CARMIL2: variants seen among roughly 807,000 people sequenced by gnomAD.
CARMIL2 encodes the protein capping protein regulator and myosin 1 linker 2.
A neutral mutation model predicts 173.3 loss-of-function variants in CARMIL2; 96 were observed. The ratio of observed to expected loss-of-function variants is 0.55; its 90% CI spans 0.47 to 0.66. The LOEUF (loss-of-function observed/expected upper bound fraction) is 0.66. Among genes scored for constraint, CARMIL2 ranks in the 30% least tolerant of loss-of-function variants. The pLI, the probability that CARMIL2 is intolerant of heterozygous loss-of-function variation, is 0.00. For missense variants in CARMIL2, 1,771 were observed against 1,906.7 expected (o/e 0.93, Z 1.33); for synonymous variants, 830 against 817.1 (o/e 1.02, Z -0.27).
At chr16:67,654,928 TGA>T in intron 32 of CARMIL2, 28 bp downstream of exon 32, 1 of 1,612,008 alleles carries the variant, frequency 6.2e-7, no homozygotes. Context: ...GAGCATGAAG[TGA>T]GAGGGCAGAT....
At chr16:67,647,026 T>G in intron 8 of CARMIL2, 53 bp downstream of exon 8, 1 of 1,606,218 alleles carries the variant, frequency 6.2e-7, no homozygotes, top group Non-Finnish European at 8.5e-7. Context: ...CCCATATCCC[T>G]GGGCCTCAGT....
rs1597756768 is a variant in CARMIL2, at chr16:67,653,980, G to C, written c.3121-169G>C. On this transcript the variant is annotated intron_variant, in intron 29 of 37. Transcript: ENST00000334583. This position sits in a 1 kb window ranked among gnomAD's most constrained non-coding sequence, Gnocchi z 7.4. Reference sequence around the variant, plus strand: ...GCGAGTGAGGAGTGCGTGAAATCTGGAGTCTCTGTCCAGCAGCAGGACAGT... The same window carrying C: ...GCGAGTGAGGAGTGCGTGAAATCTGCAGTCTCTGTCCAGCAGCAGGACAGT... Among the ~76,000 whole-genome samples the C allele has an allele frequency of 1.3e-5, 2 of 151,712 alleles. No homozygotes were observed. Among genetic ancestry groups the C allele is most frequent in the South Asian group, 4.2e-4 (2 of 4,808 alleles).
chr16:67,649,780 C>G lies in CARMIL2; in HGVS notation c.1920-26C>G. On this transcript the variant is annotated intron_variant, in intron 20 of 37. Transcript: ENST00000334583. This position sits in a 1 kb window ranked among gnomAD's most constrained non-coding sequence, Gnocchi z 6.7. The stretch of plus-strand genomic sequence containing the variant: ...GGGTGGGGCGTTGGGAAGCTCCGTC[C>G]CCGACTGAAGCCAGGCCCGGCCCAG... The G allele has an allele frequency of 1.2e-6, 2 of 1,602,510 alleles. No homozygotes were observed. The highest frequency in any genetic ancestry group is 1.7e-6 in the Non-Finnish European group (2 of 1,173,580).
chr16:67,652,145 A>T lies in CARMIL2; in HGVS notation c.2677-54A>T. The T allele has an allele frequency of 6.2e-7, 1 of 1,602,818 alleles. No homozygotes were observed. On this transcript the variant is annotated intron_variant, in intron 26 of 37. Transcript: ENST00000334583. This position sits in a 1 kb window ranked among gnomAD's most constrained non-coding sequence, Gnocchi z 4.7. ...TTTCAGGGTCCCCTTAGTTAGCATCAATGGGATCATGGCTGAGGCCCTACC... is the reference window on the plus strand; with the variant it reads ...TTTCAGGGTCCCCTTAGTTAGCATCTATGGGATCATGGCTGAGGCCCTACC...
At position 67,648,458 on chromosome 16, in the gene CARMIL2, G is replaced by T. The variant is rs1597747626; in HGVS notation, c.1395G>T (p.Arg465=). The change falls in exon 15 of 38, where the codon CGG becomes CGT. Residue 465 remains arginine, a synonymous_variant. Transcript: ENST00000334583. This position sits in a 1 kb window ranked among gnomAD's most constrained non-coding sequence, Gnocchi z 6.1. ...TCCTCAGCCGCGCGCGGACGCTGCG[G>T]CACCTGGGCCTGGCGGGCTGCAAGC... The part of the protein sequence containing the change: ...QLFLSRARTL[R]HLGLAGCKLP... 2 of 1,451,528 alleles carry T rather than the reference G, an allele frequency of 1.4e-6. No homozygotes were observed. The highest frequency in any genetic ancestry group is 1.8e-6 in the Non-Finnish European group (2 of 1,111,648). 89.9% of individuals were successfully genotyped at this position (1,451,528 alleles called of 1,614,324 possible). A position where few individuals can be genotyped will look rare whatever the true frequency, so the allele number is the denominator to read the frequency against.
chr16:67,654,465 A>G lies in CARMIL2; in HGVS notation c.3355A>G (p.Thr1119Ala), dbSNP rs751302791. Residue 1119 changes from threonine to alanine, a missense_variant, in exon 31 of 38, where the codon ACC (threonine) becomes GCC (alanine). Physicochemically the swap from Thr to Ala is moderately conservative, Grantham distance 58. Transcript: ENST00000334583. ...STRGPRTDLE[T>A]SPGAAPRTRK... ...GCGGGGTCCACGGACTGATCTAGAGACCAGCCCTGGGGCAGCTCCCCGAAC... is the reference window on the plus strand; with the variant it reads ...GCGGGGTCCACGGACTGATCTAGAGGCCAGCCCTGGGGCAGCTCCCCGAAC... 5.6e-6 allele frequency: 9 copies of G among 1,612,858 alleles called. No individual in the cohort carries two copies. Among genetic ancestry groups the G allele is most frequent in the Non-Finnish European group, 7.6e-6 (9 of 1,179,696 alleles).
Position 67,648,301 on chromosome 16 carries a change from GTCT to G in CARMIL2, c.1325_1327del (p.Phe442del). On this transcript the variant is annotated inframe_deletion, in exon 14 of 38. Transcript: ENST00000334583. The surrounding 1 kb of genome is among the most constrained non-coding windows in gnomAD (Gnocchi z 6.1). The stretch of plus-strand genomic sequence containing the variant: ...TACCCACCTCGACGCTTCGAGGAAC[GTCT>G]TCTCCCGCACGTAAGGGGGACCTGT... 1.6e-5 allele frequency: 26 copies of G among 1,591,186 alleles called. No individual in the cohort carries two copies. Among genetic ancestry groups the G allele is most frequent in the Non-Finnish European group, 2.2e-5 (26 of 1,176,014 alleles).
Position 67,656,650 on chromosome 16 carries a change from G to T in CARMIL2, c.4036+5G>T. ...GCTTGGGCCCCAGAAATGAAGGTAGGCAGGCACCTGATTCCCCACCCCAAT... is the reference window on the plus strand; with the variant it reads ...GCTTGGGCCCCAGAAATGAAGGTAGTCAGGCACCTGATTCCCCACCCCAAT... On this transcript the variant is annotated splice_donor_5th_base_variant and intron_variant, in intron 35 of 37. Coordinates refer to ENST00000334583, the MANE Select transcript of CARMIL2 (RefSeq NM_001013838.3). The T allele has an allele frequency of 6.3e-7, 1 of 1,581,622 alleles. No individual in the cohort carries two copies.
In CARMIL2 at chr16:67,651,710, C is replaced by T. The variant is rs199504224; in HGVS notation, c.2453C>T (p.Thr818Ile). 265 of 1,607,106 alleles carry T rather than the reference C, an allele frequency of 1.6e-4. No individual in the cohort carries two copies. In the East Asian group the frequency reaches 3.8e-3, roughly 23 times the overall value. Residue 818 changes from threonine to isoleucine, a missense_variant, in exon 25 of 38, where the codon ACA becomes ATA. By Grantham distance (89) the Thr-to-Ile change is moderately conservative. Around this residue, in one of 3 missense-constraint regions of CARMIL2, gnomAD observed 817 missense variants for 903.5 expected, o/e 0.90. Coordinates refer to ENST00000334583, the MANE Select transcript of CARMIL2 (RefSeq NM_001013838.3). This position sits in a 1 kb window ranked among gnomAD's most constrained non-coding sequence, Gnocchi z 4.2. Reference protein sequence around the residue: ...IQDFTQATLDTARSLCPQMLQ... With the variant: ...IQDFTQATLDIARSLCPQMLQ... ...GACTTCACTCAGGCCACACTGGACA[C>T]AGCAAGGAGCCTCTGCCCACAGATG...
At chr16:67,655,958 G>A in intron 32 of CARMIL2, 73 bp from the exon 33 acceptor site, 1 of 1,531,924 alleles carries the variant, frequency 6.5e-7, no homozygotes. Flanking sequence ...AGGATTATAA[G>A]AACAAGAACG....
At position 67,652,386 on chromosome 16, in the gene CARMIL2, C is replaced by T. The variant is rs374706148; in HGVS notation, c.2817+47C>T. 1,036 of 1,611,968 alleles carry T rather than the reference C, an allele frequency of 6.4e-4. 2 individuals carry two copies. Among genetic ancestry groups the T allele is most frequent in the Middle Eastern group, 8.3e-4 (5 of 6,060 alleles). ...GGCATGGCACTCCCAGTCTTCCCAT[C>T]TTGCTGTGGAGTGTGGAAGGTGAAA... On this transcript the variant is annotated intron_variant, in intron 27 of 37. Coordinates refer to ENST00000334583, the MANE Select transcript of CARMIL2 (RefSeq NM_001013838.3). The surrounding 1 kb of genome is among the most constrained non-coding windows in gnomAD (Gnocchi z 4.7).
rs2052661324 is a variant in CARMIL2, at chr16:67,649,020, C to A, written c.1591+46C>A. 1 of 1,601,846 alleles carries A rather than the reference C, an allele frequency of 6.2e-7. No individual in the cohort carries two copies. Among genetic ancestry groups the A allele is most frequent in the African/African-American group, 1.3e-5 (1 of 74,652 alleles). Reference sequence around the variant, plus strand: ...ATCCTCGCATCATCCACTCGATTCCCAATCCCCACCCTACCCTTGCAACTT... The same window carrying A: ...ATCCTCGCATCATCCACTCGATTCCAAATCCCCACCCTACCCTTGCAACTT... On this transcript the variant is annotated intron_variant, in intron 17 of 37. Coordinates refer to ENST00000334583, the MANE Select transcript of CARMIL2 (RefSeq NM_001013838.3). The surrounding 1 kb of genome is among the most constrained non-coding windows in gnomAD (Gnocchi z 6.7).
chr16:67,654,872 G>A lies in CARMIL2; in HGVS notation c.3677G>A (p.Ser1226Asn). The change falls in exon 32 of 38, where the codon AGC (serine) becomes AAC (asparagine). Residue 1226 changes from serine (S) to asparagine (N), a missense_variant. Transcript: ENST00000334583. ...MLQRIGVSRG[S>N]GGAEGKRKQS... ...CAGAGGATAGGCGTCAGCCGAGGCA[G>A]CGGGGGTGCCGAAGGCAAGAGGAAG... 4 of 1,613,758 alleles carry A rather than the reference G, an allele frequency of 2.5e-6. No homozygotes were observed. Among genetic ancestry groups the A allele is most frequent in the Non-Finnish European group, 3.4e-6 (4 of 1,179,882 alleles).
At position 67,654,353 on chromosome 16, in the gene CARMIL2, G is replaced by A. The variant is rs1258794184; in HGVS notation, c.3243G>A (p.Pro1081=). The change falls in exon 31 of 38, where the codon CCG becomes CCA. Residue 1081 remains proline (P), a synonymous_variant. Transcript: ENST00000334583. ...ACAGCTGGGCCCCCGAGGAGGACCC[G>A]GCCACTGAGGGGGGCGCCACTCCTG... ...QDRLWAPEED[P]ATEGGATPVP... The A allele has an allele frequency of 3.8e-6, 6 of 1,598,682 alleles. No individual in the cohort carries two copies. Among genetic ancestry groups the A allele is most frequent in the East Asian group, 2.3e-5 (1 of 44,286 alleles).
At position 67,649,637 on chromosome 16, in the gene CARMIL2, G is replaced by T; in HGVS notation, c.1919+18G>T. The T allele has an allele frequency of 6.3e-7, 1 of 1,580,602 alleles. No individual in the cohort carries two copies. The highest frequency in any genetic ancestry group is 8.6e-7 in the Non-Finnish European group (1 of 1,168,352). ...AGGCTCCGGTGGGCGGGGTCAGAGGGGTGGGACCAGCGGGCAGGGGGCGCG... is the reference window on the plus strand; with the variant it reads ...AGGCTCCGGTGGGCGGGGTCAGAGGTGTGGGACCAGCGGGCAGGGGGCGCG... On this transcript the variant is annotated intron_variant, in intron 20 of 37. Coordinates refer to ENST00000334583, the MANE Select transcript of CARMIL2 (RefSeq NM_001013838.3). The surrounding 1 kb of genome is among the most constrained non-coding windows in gnomAD (Gnocchi z 6.7).
exon 38 of CARMIL2, chr16:67,657,560 C>CTCAAAGGAAGCAGAGTGTGGA: frequency 6.2e-7 from 1 of 1,613,990 alleles, no homozygotes; most frequent in Non-Finnish European, 8.5e-7. This position sits in a 1 kb window ranked among gnomAD's most constrained non-coding sequence, Gnocchi z 4.5. Flanking sequence ...TATTAAAAAA[C>CTCAAAGGAAGCAGAGTGTGGA]TCAAAGGAAG....
At chr16:67,650,027 T>C (rs775845728) in intron 21 of CARMIL2, 22 bp from the exon 22 acceptor site, 80 of 1,613,480 alleles carry the variant, frequency 5.0e-5, no homozygotes, top group Non-Finnish European at 6.7e-5. Flanking sequence ...CCTCGGCATT[T>C]CTCAATACCC....
rs148684644 is a variant in CARMIL2 at position 67,647,479 on chromosome 16, G to A, written c.777-29G>A. The stretch of plus-strand genomic sequence containing the variant: ...GGGAGGGGTTGGCAAACCAGGGGCA[G>A]AATCTCATGCCTGGGGTCTGGTCCC... On this transcript the variant is annotated intron_variant, in intron 10 of 37. Coordinates refer to ENST00000334583, the MANE Select transcript of CARMIL2 (RefSeq NM_001013838.3). 1,439 of 1,577,534 alleles carry A rather than the reference G, an allele frequency of 9.1e-4. 12 individuals carry two copies. In the African/African-American group the frequency reaches 0.018, roughly 20 times the overall value.
At position 67,648,927 on chromosome 16, in the gene CARMIL2, T is replaced by C; in HGVS notation, c.1544T>C (p.Leu515Ser). The C allele has an allele frequency of 6.2e-7, 1 of 1,609,564 alleles. No homozygotes were observed. The highest frequency in any genetic ancestry group is 8.5e-7 in the Non-Finnish European group (1 of 1,178,300). ...RSAGAQVIQDLVCDAGAVSSL... is the reference protein window; with the variant it reads ...RSAGAQVIQDSVCDAGAVSSL... ...GCCGGCGCCCAGGTGATACAAGACT[T>C]AGTGTGCGACGCAGGCGCTGTGAGC... is the stretch of plus-strand genomic sequence containing the variant. The change falls in exon 17 of 38, where the codon TTA becomes TCA. Residue 515 changes from leucine to serine, a missense_variant. Physicochemically the swap from Leu to Ser is moderately radical, Grantham distance 145 (BLOSUM62 -2). Transcript: ENST00000334583. The surrounding 1 kb of genome is among the most constrained non-coding windows in gnomAD (Gnocchi z 6.1).
Sources: allele counts gnomAD v4.1 joint callset (sites outside exome capture counted in the v4.1 genomes callset), GRCh38; gene constraint gnomAD v4.1.1; regional missense constraint gnomAD v4.1.1; non-coding constraint Gnocchi (gnomAD v3.1); transcripts MANE v1.5; gene names NCBI Gene and HGNC (gene_info 2026-07-23, HGNC 2026-07-21).